HS2ST1: variants seen among roughly 807,000 people sequenced by gnomAD.
HS2ST1 encodes heparan sulfate 2-O-sulfotransferase 1, also known as 2-O-sulfotransferase.
A neutral mutation model predicts 42.9 loss-of-function variants in HS2ST1; 18 were observed. That is an observed-to-expected ratio of 0.42 (90% CI 0.29 to 0.62). HS2ST1 has a LOEUF of 0.62. HS2ST1 is among the 20% of genes least tolerant of loss of function. The pLI is 0.21. For synonymous variants in HS2ST1, 146 were observed against 152.9 expected, an observed-to-expected ratio of 0.95 and a Z score of 0.33; for missense variants, 334 against 433.8, an observed-to-expected ratio of 0.77 and a Z score of 2.04.
chr1:86,969,681 TGA>T (rs1406858741), intron 1 of HS2ST1, among the ~76,000 whole-genome samples: 4 of 151,856 alleles, frequency 2.6e-5, no homozygotes, highest in Non-Finnish European at 5.9e-5. Context: ...CTGACAAGAC[TGA>T]GTTATATAAA....
At chr1:87,095,140 G>A (rs1023235300) in intron 4 of HS2ST1, among the ~76,000 whole-genome samples, 3 of 152,018 alleles carry the variant, frequency 2.0e-5, no homozygotes, top group Non-Finnish European at 4.4e-5. Flanking sequence ...TTAACTAGCA[G>A]GAGTTTTCAT....
intron 1 of HS2ST1, among the ~76,000 whole-genome samples, chr1:87,013,048 A>G (rs1024206922): frequency 3.3e-5 from 5 of 152,322 alleles, no homozygotes; most frequent in Admixed American, 1.3e-4. Context: ...AGCTTTGAGC[A>G]TCTGCAGCTT....
At chr1:86,983,808 C>T (rs949504494) in intron 1 of HS2ST1, among the ~76,000 whole-genome samples, 55 of 151,808 alleles carry the variant, frequency 3.6e-4, no homozygotes, top group African/African-American at 1.2e-3. Flanking sequence ...TTTGGGAGGC[C>T]GAGGCGGGTG....
chr1:87,071,214 C>T (rs1207262544), intron 1 of HS2ST1, among the ~76,000 whole-genome samples: 1 of 152,100 alleles, frequency 6.6e-6, no homozygotes, highest in Non-Finnish European at 1.5e-5. Flanking sequence ...AGAGTGTATT[C>T]TATATAACAT....
chr1:87,050,431 T>C (rs1019539897), intron 1 of HS2ST1, among the ~76,000 whole-genome samples: 1 of 151,750 alleles, frequency 6.6e-6, no homozygotes, highest in Non-Finnish European at 1.5e-5. Context: ...AAAGCCAAAA[T>C]TGGGAAGTAA....
intron 1 of HS2ST1, among the ~76,000 whole-genome samples, chr1:87,035,459 G>T: frequency 6.6e-6 from 1 of 152,286 alleles, no homozygotes; most frequent in South Asian, 2.1e-4. Flanking sequence ...ATATCACATA[G>T]TTGAGTTCAT....
intron 1 of HS2ST1, among the ~76,000 whole-genome samples, chr1:87,027,936 C>T (rs1390222051): frequency 2.0e-5 from 3 of 152,146 alleles, no homozygotes; most frequent in Non-Finnish European, 2.9e-5. Context: ...GTGATCTGCC[C>T]GCCTCGGCCT....
chr1:87,101,194 C>G (rs1290404891), intron 5 of HS2ST1, among the ~76,000 whole-genome samples: 1 of 96,842 alleles, frequency 1.0e-5, no homozygotes, highest in African/African-American at 3.9e-5. Flanking sequence ...TTGAGGCAGT[C>G]TCACTCTGTC....
intron 1 of HS2ST1, chr1:87,045,281 TG>T: frequency 9.0e-7 from 1 of 1,105,882 alleles, no homozygotes; most frequent in Non-Finnish European, 1.4e-6. Context: ...AGTATAGTCC[TG>T]GAGGAAGTAA....
intron 1 of HS2ST1, among the ~76,000 whole-genome samples, chr1:86,968,637 C>T (rs1276143745): frequency 1.3e-5 from 2 of 152,034 alleles, no homozygotes. Flanking sequence ...GACTCCTGGC[C>T]TCAAGCATTC....
At chr1:86,932,558 A>G (rs1660565763) in intron 1 of HS2ST1, 9 of 152,184 alleles carry the variant, frequency 5.9e-5, no homozygotes, top group Admixed American at 5.9e-4. Flanking sequence ...ATGATCAAAT[A>G]CATTGATTTG....
At chr1:86,975,826 G>A (rs916390597) in intron 1 of HS2ST1, among the ~76,000 whole-genome samples, 2 of 152,176 alleles carry the variant, frequency 1.3e-5, no homozygotes, top group African/African-American at 4.8e-5. Context: ...TTATACAACT[G>A]TGAGAGCCTA....
At chr1:87,000,316 A>G (rs1467786636) in intron 1 of HS2ST1, among the ~76,000 whole-genome samples, 2 of 152,218 alleles carry the variant, frequency 1.3e-5, no homozygotes, top group East Asian at 3.8e-4. Context: ...CAATTTTAAG[A>G]CTAAGGAACA....
intron 1 of HS2ST1, among the ~76,000 whole-genome samples, chr1:87,048,942 G>A (rs900748334): frequency 1.3e-5 from 2 of 152,006 alleles, no homozygotes; most frequent in African/African-American, 2.4e-5. Context: ...ACTGGAAAGC[G>A]TTTTCTTCAA....
intron 1 of HS2ST1, among the ~76,000 whole-genome samples, chr1:87,014,748 C>T (rs895778161): frequency 6.6e-6 from 1 of 152,196 alleles, no homozygotes; most frequent in Non-Finnish European, 1.5e-5. Context: ...TACTTCTACC[C>T]AACACATCTG....
intron 1 of HS2ST1, among the ~76,000 whole-genome samples, chr1:87,014,728 A>G (rs1649700126): frequency 6.6e-6 from 1 of 152,208 alleles, no homozygotes; most frequent in Non-Finnish European, 1.5e-5. Context: ...TCACAACTTT[A>G]CTCAATAAAT....
intron 1 of HS2ST1, 93 bp downstream of exon 1, chr1:86,915,253 C>A: frequency 7.0e-7 from 1 of 1,427,664 alleles, no homozygotes; most frequent in Non-Finnish European, 9.4e-7. Context: ...AACCTGGGGT[C>A]TGGCTCGGGG....
intron 1 of HS2ST1, among the ~76,000 whole-genome samples, chr1:86,954,201 C>T (rs1647611967): frequency 6.6e-6 from 1 of 151,860 alleles, no homozygotes; most frequent in Admixed American, 6.6e-5. Flanking sequence ...ATACAAAAAT[C>T]AGCCTGGCGT....
intron 1 of HS2ST1, among the ~76,000 whole-genome samples, chr1:87,021,499 A>G (rs966908030): frequency 6.6e-6 from 1 of 152,024 alleles, no homozygotes; most frequent in Non-Finnish European, 1.5e-5. Context: ...AGTTGACAAT[A>G]TTATTGGTGG....
Sources: allele counts gnomAD v4.1 joint callset (sites outside exome capture counted in the v4.1 genomes callset), GRCh38; gene constraint gnomAD v4.1.1; transcripts MANE v1.5; gene names NCBI Gene and HGNC (gene_info 2026-07-23, HGNC 2026-07-21).